Variants in DLGAP1 observed in about 807,000 individuals in gnomAD.
DLGAP1 encodes disks large-associated protein 1.
A neutral mutation model predicts 90.8 loss-of-function variants in DLGAP1; 11 were observed. That is an observed-to-expected ratio of 0.12 (90% confidence interval 0.08 to 0.20). DLGAP1 has a LOEUF of 0.20. Ranked by LOEUF, DLGAP1 falls within the 10% of genes least tolerant of loss-of-function variation. The pLI is 1.00. For synonymous variants in DLGAP1, 558 were observed against 540.7 expected (o/e 1.03, Z -0.44); for missense variants, 1,050 against 1,333.8 (o/e 0.79, Z 3.31).
intron 5 of DLGAP1, among the ~76,000 whole-genome samples, chr18:3,744,977 T>C (rs1442633745): frequency 6.6e-6 from 1 of 152,210 alleles, no homozygotes; most frequent in Admixed American, 6.5e-5. Flanking sequence ...TGAAATGTGG[T>C]AAATGAACTA....
intron 5 of DLGAP1, among the ~76,000 whole-genome samples, chr18:3,813,794 T>A (rs1395831608): frequency 1.3e-5 from 2 of 151,956 alleles, no homozygotes; most frequent in Non-Finnish European, 2.9e-5. Flanking sequence ...TTCTTTTAAA[T>A]CCAGAATGGC....
intron 7 of DLGAP1, among the ~76,000 whole-genome samples, chr18:3,601,158 C>T (rs2145750922): frequency 6.6e-6 from 1 of 151,904 alleles, no homozygotes; most frequent in South Asian, 2.1e-4. Context: ...GTGATCTCAG[C>T]TCACTGCAAC....
intron 1 of DLGAP1, among the ~76,000 whole-genome samples, chr18:4,438,731 T>G (rs1433240726): frequency 6.6e-6 from 1 of 152,180 alleles, no homozygotes; most frequent in Non-Finnish European, 1.5e-5. Flanking sequence ...TTTTGAAATT[T>G]ACCTGATTCC....
chr18:4,010,979 C>A lies in DLGAP1; in HGVS notation c.-158-5778G>T, dbSNP rs887284867. ...TCACCTGAGGTCAGAAGTTTGAGAC[C>A]AGCCCGACTAACATGGTGAAATCCC... On this transcript the variant is annotated intron_variant, in intron 2 of 12. Coordinates refer to ENST00000315677, the MANE Select transcript of DLGAP1 (RefSeq NM_004746.4). Among the ~76,000 whole-genome samples, 3 of 151,712 alleles carry A rather than the reference C, an allele frequency of 2.0e-5. No individual in the cohort carries two copies. In the South Asian group the frequency reaches 6.3e-4, roughly 32 times the overall value.
chr18:3,725,646 G>A (rs951795115), intron 7 of DLGAP1, among the ~76,000 whole-genome samples: 1 of 152,116 alleles, frequency 6.6e-6, no homozygotes, highest in Admixed American at 6.5e-5. Flanking sequence ...AAAACTTGTT[G>A]AGTCTATTGG....
chr18:3,702,205 C>A (rs191220900), intron 7 of DLGAP1, among the ~76,000 whole-genome samples: 4 of 152,128 alleles, frequency 2.6e-5, no homozygotes, highest in African/African-American at 9.7e-5. Context: ...GCGTCTGCCA[C>A]CACGCCCGGC....
At chr18:3,602,821 AG>A in intron 7 of DLGAP1, among the ~76,000 whole-genome samples, 1 of 152,150 alleles carries the variant, frequency 6.6e-6, no homozygotes, top group Non-Finnish European at 1.5e-5. Flanking sequence ...GACGTTATTA[AG>A]TATCGACTCT....
At chr18:3,742,714 G>A (rs1598551649) in intron 5 of DLGAP1, among the ~76,000 whole-genome samples, 1 of 152,132 alleles carries the variant, frequency 6.6e-6, no homozygotes, top group Non-Finnish European at 1.5e-5. Flanking sequence ...GATGACATTC[G>A]AGAGCAATTA....
chr18:4,099,341 A>G (rs199812315), intron 2 of DLGAP1, among the ~76,000 whole-genome samples: 219 of 72,558 alleles, frequency 3.0e-3, no homozygotes, highest in South Asian at 9.3e-3. Context: ...CTATCTATCT[A>G]TCTATCTGTC....
intron 3 of DLGAP1, among the ~76,000 whole-genome samples, chr18:4,003,812 G>T (rs910991089): frequency 2.0e-5 from 3 of 152,192 alleles, no homozygotes; most frequent in Admixed American, 6.5e-5. Flanking sequence ...AAATAAAGGC[G>T]CTGTGTGCGT....
chr18:3,712,600 T>C (rs923166856), intron 7 of DLGAP1, among the ~76,000 whole-genome samples: 1 of 152,204 alleles, frequency 6.6e-6, no homozygotes, highest in Non-Finnish European at 1.5e-5. Flanking sequence ...AGCAGGCCCA[T>C]TACAGGGAGA....
chr18:3,815,902 A>G (rs1269021021), intron 4 of DLGAP1, among the ~76,000 whole-genome samples: 2 of 152,212 alleles, frequency 1.3e-5, no homozygotes, highest in African/African-American at 4.8e-5. Context: ...CATATTTATA[A>G]CAGAGACGAG....
Position 3,814,092 on chromosome 18 carries a change from G to A in DLGAP1, c.1139C>T (p.Thr380Ile). 6.2e-7 allele frequency: 1 copy of A among 1,614,092 alleles called. No homozygotes were observed. The highest frequency in any genetic ancestry group is 8.5e-7 in the Non-Finnish European group (1 of 1,180,012). The change falls in exon 5 of 13, where the codon ACT becomes ATT. Residue 380 changes from threonine to isoleucine, a missense_variant. Around this residue, in one of 2 missense-constraint regions of DLGAP1, gnomAD observed 565 missense variants for 879.7 expected, o/e 0.64. Coordinates refer to ENST00000315677, the MANE Select transcript of DLGAP1 (RefSeq NM_004746.4). Reference sequence around the variant, plus strand: ...GGTGAGTTCTGTAAGGGATGGCTGAGTAGCCTTGAGATAGCTTTCTCTCCG... The same window carrying A: ...GGTGAGTTCTGTAAGGGATGGCTGAATAGCCTTGAGATAGCTTTCTCTCCG... ...AARRESYLKA[T>I]QPSLTELTTL...
intron 1 of DLGAP1, among the ~76,000 whole-genome samples, chr18:4,310,123 C>T (rs927861163): frequency 2.6e-5 from 4 of 152,164 alleles, no homozygotes; most frequent in African/African-American, 9.7e-5. Flanking sequence ...GCTCTGACCT[C>T]ACCTAGGAGA....
intron 1 of DLGAP1, among the ~76,000 whole-genome samples, chr18:4,231,768 A>G (rs543546265): frequency 5.3e-5 from 8 of 152,168 alleles, no homozygotes; most frequent in Non-Finnish European, 1.0e-4. Flanking sequence ...AGGACAATGA[A>G]TGATTCAGAA....
intron 1 of DLGAP1, among the ~76,000 whole-genome samples, chr18:4,152,274 A>G (rs1409746543): frequency 6.6e-6 from 1 of 152,238 alleles, no homozygotes; most frequent in African/African-American, 2.4e-5. Flanking sequence ...GAAAAATAAT[A>G]AATCTAAGTA....
chr18:4,006,109 T>C (rs77098752), intron 2 of DLGAP1, among the ~76,000 whole-genome samples: 1 of 152,214 alleles, frequency 6.6e-6, no homozygotes, highest in East Asian at 1.9e-4. Context: ...CTGTAAGTAT[T>C]AGTTCCTTTT....
chr18:4,304,959 A>C (rs1459430986), intron 1 of DLGAP1, among the ~76,000 whole-genome samples: 1 of 152,124 alleles, frequency 6.6e-6, no homozygotes, highest in Non-Finnish European at 1.5e-5. Flanking sequence ...GTCATTGTGA[A>C]CTTTGCTAAC....
intron 1 of DLGAP1, among the ~76,000 whole-genome samples, chr18:4,244,871 C>T (rs1230954409): frequency 6.6e-6 from 1 of 152,150 alleles, no homozygotes; most frequent in Non-Finnish European, 1.5e-5. Flanking sequence ...GGTTCTTAGC[C>T]AAGTACTTAG....
Sources: allele counts gnomAD v4.1 joint callset (sites outside exome capture counted in the v4.1 genomes callset), GRCh38; gene constraint gnomAD v4.1.1; regional missense constraint gnomAD v4.1.1; transcripts MANE v1.5; gene names NCBI Gene and HGNC (gene_info 2026-07-23, HGNC 2026-07-21).